Variants in PTPRN2 observed in about 807,000 individuals in gnomAD.
The protein encoded by PTPRN2 is receptor-type tyrosine-protein phosphatase N2.
PTPRN2 carries 74 observed loss-of-function variants against 118.8 expected under a neutral mutation model. That is an observed-to-expected ratio of 0.62 (90% CI 0.52 to 0.76). PTPRN2 has a LOEUF of 0.76. Ranked by LOEUF, PTPRN2 falls within the 30% of genes least tolerant of loss-of-function variation. PTPRN2 has a pLI of 0.00. For missense variants in PTPRN2, 1,481 were observed against 1,394.4 expected, an observed-to-expected ratio of 1.06 and a Z score of -0.99; for synonymous variants, 641 against 608.0, an observed-to-expected ratio of 1.05 and a Z score of -0.80.
At chr7:157,645,170 G>A (rs1804980293) in intron 14 of PTPRN2, among the ~76,000 whole-genome samples, 1 of 152,246 alleles carries the variant, frequency 6.6e-6, no homozygotes, top group Admixed American at 6.5e-5. Context: ...ACTTGCACTT[G>A]GCAGGCTTTC....
At chr7:157,820,687 A>G (rs1032470075) in intron 12 of PTPRN2, among the ~76,000 whole-genome samples, 1 of 152,218 alleles carries the variant, frequency 6.6e-6, no homozygotes, top group Non-Finnish European at 1.5e-5. Flanking sequence ...CCTGAGGCCA[A>G]GCCAAGGGGG....
intron 10 of PTPRN2, among the ~76,000 whole-genome samples, chr7:158,092,316 GGATGGGTGGATGGATGGATA>G (rs1409483728): frequency 7.1e-6 from 1 of 139,944 alleles, no homozygotes; most frequent in Non-Finnish European, 1.6e-5. Context: ...GTGGGAGGGA[GGATGGGTGGATGGATGGATA>G]GATGGGTGGG....
At chr7:157,883,191 C>A (rs142229880) in intron 12 of PTPRN2, among the ~76,000 whole-genome samples, 146 of 151,342 alleles carry the variant, frequency 9.6e-4, no homozygotes, top group African/African-American at 3.5e-3. Flanking sequence ...AAACACATCA[C>A]CCCAAAAATG....
chr7:157,807,581 G>T (rs1028658163), intron 12 of PTPRN2, among the ~76,000 whole-genome samples: 2 of 152,246 alleles, frequency 1.3e-5, no homozygotes, highest in African/African-American at 4.8e-5. Flanking sequence ...CCAGGGGACT[G>T]CTCCTATTTC....
At chr7:158,333,836 T>G (rs1472361242) in intron 2 of PTPRN2, among the ~76,000 whole-genome samples, 1 of 125,976 alleles carries the variant, frequency 7.9e-6, no homozygotes, top group South Asian at 2.7e-4. Flanking sequence ...ACCCACACTC[T>G]CACCATAGAG....
At chr7:158,150,027 T>C (rs912501891) in intron 6 of PTPRN2, among the ~76,000 whole-genome samples, 2 of 152,152 alleles carry the variant, frequency 1.3e-5, no homozygotes, top group African/African-American at 4.8e-5. Context: ...TTAGGTGGCG[T>C]AGTGTGGCAT....
At chr7:158,502,814 A>G (rs1040898205) in intron 1 of PTPRN2, among the ~76,000 whole-genome samples, 22 of 151,698 alleles carry the variant, frequency 1.5e-4, no homozygotes, top group Non-Finnish European at 3.1e-4. Flanking sequence ...TCCATCAACT[A>G]CTGTGTCCAT....
chr7:157,923,210 A>G lies in PTPRN2; in HGVS notation c.1724-24473T>C, dbSNP rs1798783670. Among the ~76,000 whole-genome samples the G allele has an allele frequency of 2.0e-5, 3 of 152,184 alleles. No homozygotes were observed. The South Asian group carries it at 6.2e-4, about 31-fold the overall frequency. ...CTGGGCCTTTTTATTCTTAACCCTG[A>G]CCTATAAAAATCACTTAAGTCACCA... On this transcript the variant is annotated intron_variant, in intron 11 of 22. Transcript: ENST00000389418.
chr7:157,546,765 TTGTGAC>T (rs1158905362), intron 22 of PTPRN2, among the ~76,000 whole-genome samples: 1 of 152,224 alleles, frequency 6.6e-6, no homozygotes, highest in Non-Finnish European at 1.5e-5. Flanking sequence ...CATGTAATGA[TTGTGAC>T]TGTGGCTTCC....
intron 12 of PTPRN2, among the ~76,000 whole-genome samples, chr7:157,817,412 C>T (rs1372900783): frequency 6.6e-6 from 1 of 152,124 alleles, no homozygotes; most frequent in Admixed American, 6.5e-5. Flanking sequence ...CAATGAGGAG[C>T]AGGCTGTGGG....
intron 3 of PTPRN2, among the ~76,000 whole-genome samples, chr7:158,314,373 GA>G (rs1029903129): frequency 6.6e-6 from 1 of 152,246 alleles, no homozygotes; most frequent in African/African-American, 2.4e-5. Context: ...AGCAAACTCA[GA>G]AAATGTGACA....
chr7:157,889,664 C>T (rs760922300), intron 12 of PTPRN2, among the ~76,000 whole-genome samples: 5 of 152,350 alleles, frequency 3.3e-5, no homozygotes, highest in African/African-American at 9.6e-5. Context: ...CAAATATTCA[C>T]GGCTCCTCCC....
intron 11 of PTPRN2, among the ~76,000 whole-genome samples, chr7:158,014,713 C>T (rs951885658): frequency 2.0e-5 from 3 of 151,950 alleles, no homozygotes. Flanking sequence ...ATTCATCCAT[C>T]CATCCACCCA....
At chr7:158,323,536 CTT>C (rs1803208713) in intron 2 of PTPRN2, among the ~76,000 whole-genome samples, 2 of 152,314 alleles carry the variant, frequency 1.3e-5, no homozygotes, top group Admixed American at 1.3e-4. Flanking sequence ...CTTAGAGACA[CTT>C]TTATTAACAG....
chr7:158,553,636 A>G (rs1247064216), intron 1 of PTPRN2, among the ~76,000 whole-genome samples: 1 of 151,916 alleles, frequency 6.6e-6, no homozygotes, highest in Non-Finnish European at 1.5e-5. Flanking sequence ...CTGTCTAAAT[A>G]CGCACAGGCT....
intron 12 of PTPRN2, among the ~76,000 whole-genome samples, chr7:157,835,310 C>T (rs1428986865): frequency 2.6e-5 from 4 of 152,094 alleles, no homozygotes; most frequent in African/African-American, 4.8e-5. Context: ...AAAACAGAAC[C>T]GTTACCAAGT....
intron 6 of PTPRN2, among the ~76,000 whole-genome samples, chr7:158,157,885 G>A (rs556616589): frequency 3.3e-5 from 5 of 152,224 alleles, no homozygotes; most frequent in Admixed American, 2.0e-4. Context: ...TGTTTCGCTA[G>A]GATGAAAGGC....
chr7:158,195,054 T>C (rs1826100703), intron 4 of PTPRN2, among the ~76,000 whole-genome samples: 1 of 152,200 alleles, frequency 6.6e-6, no homozygotes, highest in Admixed American at 6.5e-5. Context: ...CTTCGCGTGT[T>C]CTCTCATTGG....
Position 158,553,858 on chromosome 7 carries a change from C to G in PTPRN2, c.112+33700G>C, listed in dbSNP as rs77637507. Among the ~76,000 whole-genome samples, 923 of 150,518 alleles carry G rather than the reference C, an allele frequency of 6.1e-3. 14 individuals carry two copies. The highest frequency in any genetic ancestry group is 0.021 in the African/African-American group (860 of 40,830). Reference sequence around the variant, plus strand: ...CTCTAACACATGCATTTGGAGGGCTCCAGCTCCTAACCCAGTGTACACAAC... The same window carrying G: ...CTCTAACACATGCATTTGGAGGGCTGCAGCTCCTAACCCAGTGTACACAAC... On this transcript the variant is annotated intron_variant, in intron 1 of 22. Coordinates refer to ENST00000389418, the MANE Select transcript of PTPRN2 (RefSeq NM_002847.5).
Sources: allele counts gnomAD v4.1 joint callset (sites outside exome capture counted in the v4.1 genomes callset), GRCh38; gene constraint gnomAD v4.1.1; transcripts MANE v1.5; gene names NCBI Gene and HGNC (gene_info 2026-07-23, HGNC 2026-07-21).